CAMK2B: variants seen among roughly 807,000 people sequenced by gnomAD.
The protein encoded by CAMK2B is calcium/calmodulin-dependent protein kinase type II subunit beta.
A neutral mutation model predicts 93.7 loss-of-function variants in CAMK2B; 27 were observed. That is an observed-to-expected ratio of 0.29 (90% CI 0.21 to 0.40). The LOEUF is 0.40. CAMK2B is among the 10% of genes least tolerant of loss of function. The pLI, the probability that CAMK2B is intolerant of heterozygous loss-of-function variation, is 1.00. For missense variants in CAMK2B, 568 were observed against 895.8 expected, an observed-to-expected ratio of 0.63 and a Z score of 4.67; for synonymous variants, 374 against 358.8, an observed-to-expected ratio of 1.04 and a Z score of -0.48.
At chr7:44,249,714 C>A (rs1171274406) in intron 5 of CAMK2B, among the ~76,000 whole-genome samples, 1 of 152,214 alleles carries the variant, frequency 6.6e-6, no homozygotes, top group Non-Finnish European at 1.5e-5. Context: ...GCCTGCACCG[C>A]ATGCACCTCA....
intron 15 of CAMK2B, among the ~76,000 whole-genome samples, chr7:44,233,620 G>A (rs966115792): frequency 7.9e-5 from 12 of 152,098 alleles, no homozygotes; most frequent in African/African-American, 1.4e-4. Context: ...ACAGCACAGC[G>A]CCCCAGCAGG....
At position 44,230,986 on chromosome 7, in the gene CAMK2B, A is replaced by T; in HGVS notation, c.1225+20T>A. 1.3e-6 allele frequency: 2 copies of T among 1,551,312 alleles called. No homozygotes were observed. The highest frequency in any genetic ancestry group is 1.7e-6 in the Non-Finnish European group (2 of 1,146,882). On this transcript the variant is annotated intron_variant, in intron 17 of 23. Transcript: ENST00000395749. ...GCAATGCCAAGGCCGCTGGGGGGGC[A>T]AGGACTCAAGTGCAGGTACCTTTAG...
chr7:44,305,153 T>A (rs1002860473), intron 1 of CAMK2B, among the ~76,000 whole-genome samples: 6 of 152,204 alleles, frequency 3.9e-5, no homozygotes, highest in African/African-American at 1.4e-4. Context: ...GGAGACATCC[T>A]GACTGTAATA....
intron 16 of CAMK2B, 53 bp from the exon 17 acceptor site, chr7:44,231,107 C>T (rs1044013940): frequency 4.7e-5 from 58 of 1,226,520 alleles, no homozygotes; most frequent in Non-Finnish European, 5.6e-5. Context: ...ATAGGTGGGA[C>T]GTGGCTGAGG....
At chr7:44,305,495 A>T (rs897481535) in intron 1 of CAMK2B, among the ~76,000 whole-genome samples, 25 of 152,184 alleles carry the variant, frequency 1.6e-4, no homozygotes, top group Admixed American at 9.2e-4. Flanking sequence ...AAACAAAACA[A>T]AATGAAACAA....
intron 6 of CAMK2B, among the ~76,000 whole-genome samples, chr7:44,244,160 A>G (rs1293507359): frequency 6.6e-6 from 1 of 152,090 alleles, no homozygotes; most frequent in African/African-American, 2.4e-5. Context: ...TCCCCACTAC[A>G]TGGGGCAGGA....
intron 1 of CAMK2B, among the ~76,000 whole-genome samples, chr7:44,321,462 G>A (rs1210544202): frequency 2.0e-5 from 3 of 152,122 alleles, no homozygotes; most frequent in African/African-American, 7.2e-5. Context: ...GGAGCTCAGG[G>A]GCCATTCTTG....
In CAMK2B at chr7:44,228,922, G is replaced by A; in HGVS notation, c.1342C>T (p.Pro448Ser). The change falls in exon 19 of 24, where the codon CCC (proline) becomes TCC (serine). Residue 448 changes from proline to serine, a missense_variant and splice_region_variant. By Grantham distance (74) the Pro-to-Ser change is moderately conservative. Coordinates refer to ENST00000395749, the MANE Select transcript of CAMK2B (RefSeq NM_001220.5). Reference protein sequence around the residue: ...APFSPLPAPSPRISDILNSVR... With the variant: ...APFSPLPAPSSRISDILNSVR... ...GAGTTCAGGATGTCAGAGATCCTGG[G>A]GGCTGGGGTGGAACAGATGAGACGT... The A allele has an allele frequency of 6.2e-7, 1 of 1,609,266 alleles. No homozygotes were observed. Among genetic ancestry groups the A allele is most frequent in the East Asian group, 2.2e-5 (1 of 44,688 alleles).
intron 1 of CAMK2B, among the ~76,000 whole-genome samples, chr7:44,293,444 A>G (rs1057498896): frequency 7.2e-5 from 11 of 152,164 alleles, no homozygotes; most frequent in Non-Finnish European, 1.5e-5. Context: ...CGTCACTTCT[A>G]GACAGCCAGA....
intron 14 of CAMK2B, 60 bp from the exon 15 acceptor site, chr7:44,234,521 G>C: frequency 6.3e-7 from 1 of 1,583,900 alleles, no homozygotes; most frequent in African/African-American, 1.3e-5. Flanking sequence ...GCCATTCCCT[G>C]TCCCGTGTCT....
chr7:44,308,195 T>G (rs1045986867), intron 1 of CAMK2B, among the ~76,000 whole-genome samples: 1 of 152,200 alleles, frequency 6.6e-6, no homozygotes, highest in Non-Finnish European at 1.5e-5. Flanking sequence ...GGCACGTCTC[T>G]TCTCCTCTTT....
intron 1 of CAMK2B, among the ~76,000 whole-genome samples, chr7:44,301,772 T>C (rs1193917965): frequency 6.7e-6 from 1 of 150,286 alleles, no homozygotes; most frequent in Non-Finnish European, 1.5e-5. Flanking sequence ...CAAGACTCCA[T>C]CTCAGAAAAA....
intron 8 of CAMK2B, 69 bp downstream of exon 8, chr7:44,243,181 C>T: frequency 8.3e-7 from 1 of 1,204,008 alleles, no homozygotes; most frequent in Non-Finnish European, 1.2e-6. Flanking sequence ...ACTGCACACT[C>T]CAGGATGTAG....
chr7:44,321,355 G>A (rs1274915545), intron 1 of CAMK2B, among the ~76,000 whole-genome samples: 1 of 152,174 alleles, frequency 6.6e-6, no homozygotes, highest in African/African-American at 2.4e-5. Context: ...TGGCGACTGG[G>A]GTACCACTGG....
intron 1 of CAMK2B, among the ~76,000 whole-genome samples, chr7:44,300,662 A>G (rs1789743252): frequency 6.6e-6 from 1 of 152,256 alleles, no homozygotes; most frequent in South Asian, 2.1e-4. Flanking sequence ...AAGGATAAAA[A>G]GATGACTCCA....
At chr7:44,262,957 C>G (rs371135571) in intron 3 of CAMK2B, 48 bp downstream of exon 3, 4 of 1,525,406 alleles carry the variant, frequency 2.6e-6, no homozygotes, top group Non-Finnish European at 3.6e-6. Context: ...GGCTGCTGTC[C>G]GGGAGAAGGT....
At chr7:44,252,445 A>G (rs2096789245) in intron 5 of CAMK2B, among the ~76,000 whole-genome samples, 3 of 149,680 alleles carry the variant, frequency 2.0e-5, no homozygotes, top group East Asian at 4.0e-4. Context: ...AGCATAGGAG[A>G]GGGTGCAGCA....
intron 1 of CAMK2B, among the ~76,000 whole-genome samples, chr7:44,314,686 C>T (rs1305483731): frequency 6.6e-6 from 1 of 152,210 alleles, no homozygotes; most frequent in Non-Finnish European, 1.5e-5. Flanking sequence ...TTCATAGTAG[C>T]TGTGCCATTT....
At chr7:44,227,992 G>A (rs148209501) in intron 19 of CAMK2B, among the ~76,000 whole-genome samples, 10 of 151,674 alleles carry the variant, frequency 6.6e-5, no homozygotes, top group South Asian at 6.3e-4. Context: ...GTGCTGCTGC[G>A]GACAGCGTGG....
Sources: gnomAD v4.1 joint callset for allele counts (sites outside exome capture counted in the v4.1 genomes callset) on GRCh38, gnomAD v4.1.1 for gene constraint, MANE v1.5 for transcripts, NCBI Gene and HGNC (gene_info 2026-07-23, HGNC 2026-07-21) for gene names.